The following ANK2 variants were observed in gnomAD, a reference collection of about 807,000 sequenced individuals.
ANK2 encodes ankyrin 2.
Under a neutral mutation model 360.5 loss-of-function variants are expected in ANK2, and 83 were observed. That is an observed-to-expected ratio of 0.23 (90% CI 0.19 to 0.28). The LOEUF (loss-of-function observed/expected upper bound fraction) is 0.28, where lower values mean the gene tolerates loss of function less well. ANK2 is among the 10% of genes least tolerant of loss of function. The pLI is 1.00. For missense variants in ANK2, 4,201 were observed against 4,795.7 expected (o/e 0.88, Z 3.66); for synonymous variants, 1,740 against 1,759.5 (o/e 0.99, Z 0.28).
At chr4:112,905,742 G>GA (rs1156547583) in intron 2 of ANK2, among the ~76,000 whole-genome samples, 1 of 152,102 alleles carries the variant, frequency 6.6e-6, no homozygotes, top group African/African-American at 2.4e-5. Context: ...GCTCAGTGCA[G>GA]CCTCCACCTT....
chr4:112,727,739 G>C, the ANK2 span, among the ~76,000 whole-genome samples: 43 of 152,192 alleles, frequency 2.8e-4, no homozygotes, highest in Non-Finnish European at 4.4e-4. Context: ...AGCACGTTGG[G>C]AGGCTGAGGT....
intron 1 of ANK2, among the ~76,000 whole-genome samples, chr4:113,164,545 T>G (rs545167856): frequency 3.2e-4 from 49 of 152,282 alleles, no homozygotes; most frequent in Non-Finnish European, 4.1e-4. Context: ...TGCTTCTGAT[T>G]GAGTGATGTC....
chr4:113,313,631 CA>C (rs2081238872), intron 24 of ANK2: 1 of 152,504 alleles, frequency 6.6e-6, no homozygotes, highest in Non-Finnish European at 1.5e-5. Context: ...TACCTTTTCT[CA>C]GTGACCATTT....
At chr4:112,776,858 TCA>T in the ANK2 span, among the ~76,000 whole-genome samples, 1 of 152,142 alleles carries the variant, frequency 6.6e-6, no homozygotes, top group African/African-American at 2.4e-5. Context: ...GGAATCCCTC[TCA>T]CTCTGTTTCA....
intron 1 of ANK2, among the ~76,000 whole-genome samples, chr4:113,130,062 A>G (rs2095913320): frequency 6.6e-6 from 1 of 152,198 alleles, no homozygotes; most frequent in African/African-American, 2.4e-5. Flanking sequence ...TCTGTATAAT[A>G]TGCTGTTTCT....
rs749780624 is a variant in ANK2 at position 113,359,237 on chromosome 4, A to G, written c.10619A>G (p.Asp3540Gly). The change falls in exon 38 of 46, where the codon GAT (aspartate) becomes GGT (glycine). Residue 3540 changes from aspartate to glycine, a missense_variant. Asp to Gly is a moderately conservative substitution (Grantham distance 94). Transcript: ENST00000357077. The part of the protein sequence containing the change: ...EDIFDTRPIW[D>G]ESIETLIERI... ...ATCTTTGACACAAGGCCCATTTGGGATGAGTCTATTGAGACTCTGATTGAA... is the reference window on the plus strand; with the variant it reads ...ATCTTTGACACAAGGCCCATTTGGGGTGAGTCTATTGAGACTCTGATTGAA... The G allele has an allele frequency of 1.2e-6, 2 of 1,613,912 alleles. No homozygotes were observed. The highest frequency in any genetic ancestry group is 4.5e-5 in the East Asian group (2 of 44,880).
chr4:113,195,431 C>T (rs1360467542), intron 2 of ANK2, among the ~76,000 whole-genome samples: 1 of 151,920 alleles, frequency 6.6e-6, no homozygotes, highest in East Asian at 1.9e-4. Flanking sequence ...TTCTATATTC[C>T]ATTTCAAAAT....
At chr4:112,805,477 G>A in the ANK2 span, among the ~76,000 whole-genome samples, 2 of 151,884 alleles carry the variant, frequency 1.3e-5, no homozygotes, top group South Asian at 2.1e-4. Context: ...AGGCACTGTC[G>A]TAAATAAGCT....
At chr4:113,239,721 G>A (rs2099410017) in intron 7 of ANK2, among the ~76,000 whole-genome samples, 1 of 152,094 alleles carries the variant, frequency 6.6e-6, no homozygotes. Context: ...CATTTTGAGA[G>A]TAAACAGTTC....
intron 4 of ANK2, among the ~76,000 whole-genome samples, chr4:113,216,457 G>A (rs1173402766): frequency 1.3e-5 from 2 of 152,200 alleles, no homozygotes; most frequent in Non-Finnish European, 2.9e-5. Context: ...ATACTCACTT[G>A]CCATAGCTAA....
At chr4:112,792,346 A>G in the ANK2 span, among the ~76,000 whole-genome samples, 1 of 152,106 alleles carries the variant, frequency 6.6e-6, no homozygotes, top group Admixed American at 6.5e-5. Context: ...CTGCGACAAC[A>G]CATCCTTATA....
the ANK2 span, among the ~76,000 whole-genome samples, chr4:112,802,784 A>G: frequency 1.3e-5 from 2 of 152,188 alleles, no homozygotes. Context: ...ACAAAAACAA[A>G]AACGATACGC....
intron 1 of ANK2, among the ~76,000 whole-genome samples, chr4:113,132,305 A>G (rs1043858480): frequency 5.9e-5 from 9 of 152,110 alleles, no homozygotes; most frequent in Non-Finnish European, 1.3e-4. Context: ...ATATGTTTTA[A>G]TAATGTCTCT....
intron 1 of ANK2, among the ~76,000 whole-genome samples, chr4:113,097,914 A>G (rs2091916258): frequency 1.4e-5 from 2 of 146,628 alleles, no homozygotes. Flanking sequence ...ATATATGTAT[A>G]TATACACACA....
intron 1 of ANK2, among the ~76,000 whole-genome samples, chr4:113,171,986 T>C (rs1478298954): frequency 6.6e-6 from 1 of 152,202 alleles, no homozygotes; most frequent in African/African-American, 2.4e-5. Context: ...AGCATTCTTT[T>C]TTATAGGAAC....
chr4:112,858,081 A>C (rs1364768752), intron 1 of ANK2, among the ~76,000 whole-genome samples: 1 of 152,146 alleles, frequency 6.6e-6, no homozygotes, highest in Non-Finnish European at 1.5e-5. Context: ...AGAAAGCCAA[A>C]ATTTTAAATT....
Position 113,355,760 on chromosome 4 carries a change from C to T in ANK2, c.7142C>T (p.Ala2381Val), listed in dbSNP as rs764841248. 1 of 1,614,112 alleles carries T rather than the reference C, an allele frequency of 6.2e-7. No homozygotes were observed. The highest frequency in any genetic ancestry group is 8.5e-7 in the Non-Finnish European group (1 of 1,179,976). Residue 2381 changes from alanine to valine, a missense_variant, in exon 38 of 46, where the codon GCC (alanine) becomes GTC (valine). By Grantham distance (64) the Ala-to-Val change is moderately conservative (BLOSUM62 0). This residue lies in a region of ANK2 where 2,642 missense variants were observed against 2,714.5 expected (regional missense o/e 0.97). Transcript: ENST00000357077. ...ACAGCCACCTCAGACGAGACAAAGG[C>T]CTTGCCGCTGCCTGAGGCTTCTGTA... ...ESTATSDETK[A>V]LPLPEASVKT...
chr4:113,168,020 T>G (rs2154408971), intron 1 of ANK2, among the ~76,000 whole-genome samples: 1 of 152,324 alleles, frequency 6.6e-6, no homozygotes, highest in East Asian at 1.9e-4. Context: ...TCATGAATCT[T>G]GACACAACCT....
At chr4:113,218,448 G>GA (rs2099111741) in intron 4 of ANK2, among the ~76,000 whole-genome samples, 1 of 108,200 alleles carries the variant, frequency 9.2e-6, no homozygotes, top group South Asian at 2.9e-4. Flanking sequence ...ATCATTAAAT[G>GA]ACCAAAAAAA....
Sources: gnomAD v4.1 joint callset for allele counts (sites outside exome capture counted in the v4.1 genomes callset) on GRCh38, gnomAD v4.1.1 for gene constraint, gnomAD v4.1.1 regional missense constraint, MANE v1.5 for transcripts, NCBI Gene and HGNC (gene_info 2026-07-23, HGNC 2026-07-21) for gene names.